The following PCDHGA5 variants were observed in gnomAD, a reference collection of about 807,000 sequenced individuals.
PCDHGA5 encodes the protein protocadherin gamma-A5.
A neutral mutation model predicts 56.7 loss-of-function variants in PCDHGA5; 36 were observed. The observed-to-expected ratio is 0.64, with a 90% CI of 0.49 to 0.84. PCDHGA5 has a LOEUF of 0.84. Ranked by LOEUF, PCDHGA5 falls within the 40% of genes least tolerant of loss-of-function variation. PCDHGA5 has a pLI of 0.00. For synonymous variants in PCDHGA5, 563 were observed against 520.2 expected (o/e 1.08, Z -1.12); for missense variants, 1,305 against 1,201.5 (o/e 1.09, Z -1.27).
chr5:141,427,693 C>A, intron 1 of PCDHGA5: 2 of 909,726 alleles, frequency 2.2e-6, no homozygotes, highest in East Asian at 2.5e-5. Context: ...GCCTCCATCC[C>A]ACAAGTCAGC....
rs1386791249 is a variant in PCDHGA5 at position 141,511,417 on chromosome 5, G to A, written c.*244G>A. 1.2e-6 allele frequency: 1 copy of A among 835,942 alleles called. No homozygotes were observed. Among genetic ancestry groups the A allele is most frequent in the African/African-American group, 1.7e-5 (1 of 58,154 alleles). The allele number at this position is 835,942 out of a possible 1,614,324, so 51.8% of individuals were successfully genotyped here. A position where few individuals can be genotyped will look rare whatever the true frequency, so the allele number is the denominator to read the frequency against. The stretch of plus-strand genomic sequence containing the variant: ...CCATCCAATCAACTGCTGTACCCAT[G>A]GGGGTAGTGGGGTTACTGTAGACAC... On this transcript the variant is annotated 3_prime_UTR_variant, in exon 4 of 4. Transcript: ENST00000518069.
At chr5:141,371,163 G>A (rs79773129) in intron 1 of PCDHGA5, 6 of 1,613,984 alleles carry the variant, frequency 3.7e-6, no homozygotes, top group African/African-American at 1.3e-5. Flanking sequence ...GAACCTGCCC[G>A]CTGGCTCCTC....
intron 1 of PCDHGA5, among the ~76,000 whole-genome samples, chr5:141,429,326 T>A (rs571458414): frequency 6.6e-6 from 1 of 152,230 alleles, no homozygotes; most frequent in East Asian, 1.9e-4. Context: ...TTTTCTTTAA[T>A]CCATTAACTA....
rs760367783 is a variant in PCDHGA5 at position 141,394,819 on chromosome 5, C to T, written c.2421+28068C>T. The T allele has an allele frequency of 2.5e-6, 4 of 1,613,890 alleles. No individual in the cohort carries two copies. In the South Asian group the frequency reaches 4.4e-5, roughly 18 times the overall value. On this transcript the variant is annotated intron_variant, in intron 1 of 3. Transcript: ENST00000518069. ...ACCGTAGCCGTGGCTGACAGCATCCCCGAAGTCCTGACCGAGTTGGGCAGT... is the reference window on the plus strand; with the variant it reads ...ACCGTAGCCGTGGCTGACAGCATCCTCGAAGTCCTGACCGAGTTGGGCAGT...
chr5:141,394,859 C>A, intron 1 of PCDHGA5: 1 of 1,613,758 alleles, frequency 6.2e-7, no homozygotes. Context: ...AGCCTTCGGT[C>A]GACCCGAACG....
rs776677714 is a variant in PCDHGA5 at position 141,419,329 on chromosome 5, T to C, written c.2421+52578T>C. The C allele has an allele frequency of 7.4e-6, 12 of 1,613,842 alleles. 2 individuals carry two copies. The South Asian group carries it at 1.3e-4, about 18-fold the overall frequency. On this transcript the variant is annotated intron_variant, in intron 1 of 3. Coordinates refer to ENST00000518069, the MANE Select transcript of PCDHGA5 (RefSeq NM_018918.3). The stretch of plus-strand genomic sequence containing the variant: ...GGCTCAACGGCCGTGTCTCCTACTC[T>C]CTCATTGCCAGCGACCTGGAGTCAC...
In PCDHGA5 at chr5:141,476,210, G is replaced by A; in HGVS notation, c.2422-18597G>A. ...TGGTGCCTTGAACAAGGCTTCCACG[G>A]TCATTCACTATGAGATCCCGGAGGA... is the stretch of plus-strand genomic sequence containing the variant. On this transcript the variant is annotated intron_variant, in intron 1 of 3. Coordinates refer to ENST00000518069, the MANE Select transcript of PCDHGA5 (RefSeq NM_018918.3). The surrounding 1 kb of genome is among the most constrained non-coding windows in gnomAD (Gnocchi z 7.6). 6.2e-7 allele frequency: 1 copy of A among 1,614,012 alleles called. No individual in the cohort carries two copies. Among genetic ancestry groups the A allele is most frequent in the Non-Finnish European group, 8.5e-7 (1 of 1,180,012 alleles).
intron 1 of PCDHGA5, chr5:141,427,831 G>T: frequency 7.1e-6 from 11 of 1,539,366 alleles, no homozygotes; most frequent in Non-Finnish European, 9.8e-6. Context: ...GTCGCGCAGC[G>T]TGCCTTCGAC....
At chr5:141,370,697 G>T in intron 1 of PCDHGA5, 3 of 1,613,806 alleles carry the variant, frequency 1.9e-6, no homozygotes, top group Non-Finnish European at 2.5e-6. Context: ...AGAAGTCGAC[G>T]TGTGTTCTGG....
chr5:141,446,191 T>C (rs2098492956), intron 1 of PCDHGA5, among the ~76,000 whole-genome samples: 1 of 152,206 alleles, frequency 6.6e-6, no homozygotes, highest in Non-Finnish European at 1.5e-5. Flanking sequence ...TGTTTATTAT[T>C]ATATTCCTAG....
At position 141,431,684 on chromosome 5, in the gene PCDHGA5, C is replaced by A. The variant is rs1017231854; in HGVS notation, c.2422-63123C>A. On this transcript the variant is annotated intron_variant, in intron 1 of 3. Transcript: ENST00000518069. This position sits in a 1 kb window ranked among gnomAD's most constrained non-coding sequence, Gnocchi z 4.8. Reference sequence around the variant, plus strand: ...AATATCAACAATAGGGGAGTTGGACCACGAGGAGTCAGGATTCTACCAGAT... The same window carrying A: ...AATATCAACAATAGGGGAGTTGGACAACGAGGAGTCAGGATTCTACCAGAT... The A allele has an allele frequency of 1.9e-6, 3 of 1,614,186 alleles. No homozygotes were observed. Among genetic ancestry groups the A allele is most frequent in the Admixed American group, 1.7e-5 (1 of 60,032 alleles).
At chr5:141,417,635 G>A in intron 1 of PCDHGA5, 1 of 724,902 alleles carries the variant, frequency 1.4e-6, no homozygotes, top group Non-Finnish European at 2.1e-6. Context: ...CTGACGCCGG[G>A]GATCCCTCAG....
intron 1 of PCDHGA5, chr5:141,405,444 G>C: frequency 7.2e-7 from 1 of 1,379,466 alleles, no homozygotes; most frequent in Non-Finnish European, 1.0e-6. Flanking sequence ...TTTTGAGACA[G>C]AGTCTTACTC....
Position 141,410,441 on chromosome 5 carries a change from A to T in PCDHGA5, c.2421+43690A>T. ...AGTTCCCCCCAACTACAGTGAGGGGACTTTGCCTTATTCTTATAATCTGTG... is the reference window on the plus strand; with the variant it reads ...AGTTCCCCCCAACTACAGTGAGGGGTCTTTGCCTTATTCTTATAATCTGTG... On this transcript the variant is annotated intron_variant, in intron 1 of 3. Transcript: ENST00000518069. 2 of 1,613,946 alleles carry T rather than the reference A, an allele frequency of 1.2e-6. 1 individual carries two copies. The highest frequency in any genetic ancestry group is 2.2e-5 in the South Asian group (2 of 91,074).
chr5:141,415,977 C>A (rs1479258110), intron 1 of PCDHGA5: 2 of 354,488 alleles, frequency 5.6e-6, no homozygotes, highest in Non-Finnish European at 9.4e-6. Context: ...CCTTAAGCAA[C>A]CCTCTTGTTC....
At chr5:141,408,598 A>G (rs1391583761) in intron 1 of PCDHGA5, 1 of 1,614,070 alleles carries the variant, frequency 6.2e-7, no homozygotes, top group Admixed American at 1.7e-5. Flanking sequence ...ACGCCCCTCA[A>G]TTTGATAAAA....
At position 141,410,315 on chromosome 5, in the gene PCDHGA5, C is replaced by G. The variant is rs781293010; in HGVS notation, c.2421+43564C>G. 3 of 1,614,040 alleles carry G rather than the reference C, an allele frequency of 1.9e-6. No homozygotes were observed. In the East Asian group the frequency reaches 6.7e-5, roughly 36 times the overall value. On this transcript the variant is annotated intron_variant, in intron 1 of 3. Coordinates refer to ENST00000518069, the MANE Select transcript of PCDHGA5 (RefSeq NM_018918.3). ...GGCCTTAATCTCAGTGCTCTTCCTCCTCGCCGTGATTCTGGCCATTGCCTT... is the reference window on the plus strand; with the variant it reads ...GGCCTTAATCTCAGTGCTCTTCCTCGTCGCCGTGATTCTGGCCATTGCCTT...
At chr5:141,445,148 C>T (rs1051995635) in intron 1 of PCDHGA5, among the ~76,000 whole-genome samples, 3 of 152,092 alleles carry the variant, frequency 2.0e-5, no homozygotes, top group Non-Finnish European at 4.4e-5. Context: ...TCTAATTGTT[C>T]ATTTCTAGTT....
chr5:141,368,108 T>C (rs1244869694), intron 1 of PCDHGA5, among the ~76,000 whole-genome samples: 1 of 152,216 alleles, frequency 6.6e-6, no homozygotes, highest in African/African-American at 2.4e-5. Context: ...TTCAGATGTT[T>C]CTTATTAAAA....
Sources: gnomAD v4.1 joint callset for allele counts (sites outside exome capture counted in the v4.1 genomes callset) on GRCh38, gnomAD v4.1.1 for gene constraint, Gnocchi (gnomAD v3.1) non-coding constraint, MANE v1.5 for transcripts, NCBI Gene and HGNC (gene_info 2026-07-23, HGNC 2026-07-21) for gene names.